The following LRRC53 variants were observed in gnomAD, a reference collection of about 807,000 sequenced individuals.
The protein encoded by LRRC53 is leucine-rich repeat-containing protein 53.
LRRC53 carries 25 observed loss-of-function variants against 13.6 expected under a neutral mutation model. The ratio of observed to expected loss-of-function variants is 1.83; its 90% CI spans 1.34 to 2.56. The LOEUF (loss-of-function observed/expected upper bound fraction) is 2.56, where lower values mean the gene tolerates loss of function less well. Ranked by LOEUF, LRRC53 falls within the 30% of genes most tolerant of loss-of-function variation. The pLI, the probability that LRRC53 is intolerant of heterozygous loss-of-function variation, is 0.00. For synonymous variants in LRRC53, 204 were observed against 109.8 expected, an observed-to-expected ratio of 1.86 and a Z score of -5.37; for missense variants, 527 against 275.8, an observed-to-expected ratio of 1.91 and a Z score of -6.45.
chr1:74,520,430 T>C, the LRRC53 span, among the ~76,000 whole-genome samples: 1 of 152,034 alleles, frequency 6.6e-6, no homozygotes. Context: ...TGGATTCTCC[T>C]CTCTTCTCCT....
At chr1:74,502,180 G>T (rs72675339) in intron 1 of LRRC53, among the ~76,000 whole-genome samples, 69 of 152,154 alleles carry the variant, frequency 4.5e-4, no homozygotes, top group South Asian at 2.1e-3. Context: ...TTAGAAAATC[G>T]TTTTCTTTTA....
chr1:74,531,851 G>A, the LRRC53 span, among the ~76,000 whole-genome samples: 2 of 152,162 alleles, frequency 1.3e-5, no homozygotes, highest in Non-Finnish European at 2.9e-5. Context: ...TATCACATAG[G>A]TAACATTGTT....
intron 2 of LRRC53, among the ~76,000 whole-genome samples, chr1:74,482,823 T>G (rs1044271097): frequency 6.6e-6 from 1 of 152,216 alleles, no homozygotes; most frequent in Non-Finnish European, 1.5e-5. Context: ...GACCAGACTT[T>G]CAAAATGAGA....
chr1:74,489,239 C>G, intron 1 of LRRC53: 1 of 1,611,332 alleles, frequency 6.2e-7, no homozygotes, highest in Non-Finnish European at 8.5e-7. Context: ...AGTGTCTCTG[C>G]AACATTGAGG....
chr1:74,484,776 C>T (rs1354681226), intron 1 of LRRC53, among the ~76,000 whole-genome samples: 3 of 151,984 alleles, frequency 2.0e-5, no homozygotes, highest in Non-Finnish European at 2.9e-5. Flanking sequence ...AAAGACATAG[C>T]GTTTTAACCC....
chr1:74,517,160 C>A (rs1055096819), upstream of LRRC53, among the ~76,000 whole-genome samples: 1 of 152,036 alleles, frequency 6.6e-6, no homozygotes, highest in Non-Finnish European at 1.5e-5. Flanking sequence ...TGGGCACTTT[C>A]TATATGCAAC....
rs547827553 is a variant in LRRC53, at chr1:74,472,015, T to A, written c.1607A>T (p.Glu536Val). The A allele has an allele frequency of 3.2e-5, 22 of 692,760 alleles. No homozygotes were observed. The highest frequency in any genetic ancestry group is 5.1e-5 in the Non-Finnish European group (19 of 375,008). 42.9% of individuals were successfully genotyped at this position (692,760 alleles called of 1,614,324 possible). A position where few individuals can be genotyped will look rare whatever the true frequency, so the allele number is the denominator to read the frequency against. ...TSSSSKPCEP[E>V]EHYVQKIVQK... is the part of the protein sequence containing the mutation. Reference sequence around the variant, plus strand: ...TACGATCTTTTGTACATAGTGTTCCTCAGGCTCACAAGGCTTGGATGATGA... The same window carrying A: ...TACGATCTTTTGTACATAGTGTTCCACAGGCTCACAAGGCTTGGATGATGA... Residue 536 changes from glutamate (E) to valine (V), a missense_variant, in exon 5 of 5, where the codon GAG becomes GTG. Coordinates refer to ENST00000294635, the MANE Select transcript of LRRC53 (RefSeq NM_001382280.1).
intron 3 of LRRC53, among the ~76,000 whole-genome samples, chr1:74,476,438 C>A (rs1463960779): frequency 3.3e-5 from 5 of 152,060 alleles, no homozygotes; most frequent in Non-Finnish European, 7.4e-5. Flanking sequence ...TCTGTTTATT[C>A]ATTCATATGC....
intron 1 of LRRC53, among the ~76,000 whole-genome samples, chr1:74,504,414 C>A (rs926471661): frequency 1.3e-5 from 2 of 152,202 alleles, no homozygotes; most frequent in East Asian, 3.9e-4. Flanking sequence ...GACTTCACGC[C>A]GAACAAAGGT....
At chr1:74,485,523 T>C (rs1320127932) in intron 1 of LRRC53, among the ~76,000 whole-genome samples, 3 of 152,174 alleles carry the variant, frequency 2.0e-5, no homozygotes, top group Admixed American at 6.5e-5. Context: ...GCAAGATTCC[T>C]GTCCCCTGGT....
intron 2 of LRRC53, among the ~76,000 whole-genome samples, chr1:74,481,864 A>G (rs776914674): frequency 6.6e-6 from 1 of 152,214 alleles, no homozygotes; most frequent in African/African-American, 2.4e-5. Context: ...TGGGAGGTCT[A>G]TAGGTGATAT....
At chr1:74,522,386 C>T in the LRRC53 span, among the ~76,000 whole-genome samples, 90 of 152,170 alleles carry the variant, frequency 5.9e-4, no homozygotes, top group African/African-American at 1.8e-3. Flanking sequence ...TCAGATTACC[C>T]GTTCCCTAGA....
At chr1:74,520,160 C>A in the LRRC53 span, among the ~76,000 whole-genome samples, 1 of 17,166 alleles carries the variant, frequency 5.8e-5, no homozygotes, top group Non-Finnish European at 2.1e-4. Flanking sequence ...CCCTTTCCAC[C>A]CTTTCCCCGA....
At chr1:74,489,241 A>G (rs548949464) in intron 1 of LRRC53, 1 of 1,611,522 alleles carries the variant, frequency 6.2e-7, no homozygotes, top group East Asian at 2.2e-5. Context: ...TGTCTCTGCA[A>G]CATTGAGGTA....
Position 74,469,860 on chromosome 1 carries a change from T to C in LRRC53, c.*18A>G, listed in dbSNP as rs769243611. Reference sequence around the variant, plus strand: ...GCTAAAGTAGAAAAGGATTATTATTTGAGTTATTTTGTTCACTTTATTCTG... The same window carrying C: ...GCTAAAGTAGAAAAGGATTATTATTCGAGTTATTTTGTTCACTTTATTCTG... On this transcript the variant is annotated 3_prime_UTR_variant, in exon 5 of 5. Transcript: ENST00000294635. 5.0e-6 allele frequency: 2 copies of C among 400,524 alleles called. No individual in the cohort carries two copies. The highest frequency in any genetic ancestry group is 8.8e-6 in the Non-Finnish European group (2 of 225,992). 24.8% of individuals were successfully genotyped at this position (400,524 alleles called of 1,614,324 possible).
At chr1:74,512,205 G>A (rs1188486284) in intron 1 of LRRC53, among the ~76,000 whole-genome samples, 1 of 152,178 alleles carries the variant, frequency 6.6e-6, no homozygotes, top group East Asian at 1.9e-4. Flanking sequence ...CTGCAGCTGT[G>A]TTTACTGTCA....
chr1:74,484,948 A>T (rs182244443), intron 1 of LRRC53, among the ~76,000 whole-genome samples: 19 of 152,286 alleles, frequency 1.2e-4, no homozygotes, highest in African/African-American at 4.6e-4. Flanking sequence ...CAAGGAAGGG[A>T]TGATGTGGTG....
At chr1:74,504,275 A>G (rs536760609) in intron 1 of LRRC53, among the ~76,000 whole-genome samples, 38 of 152,318 alleles carry the variant, frequency 2.5e-4, no homozygotes, top group Admixed American at 5.9e-4. Context: ...GATGTGGACT[A>G]AAGTAACCAT....
intron 1 of LRRC53, among the ~76,000 whole-genome samples, chr1:74,500,773 C>A (rs1301887787): frequency 6.6e-6 from 1 of 151,512 alleles, no homozygotes; most frequent in Non-Finnish European, 1.5e-5. Flanking sequence ...TTTTTCCCTG[C>A]ACCTTCAGGG....
Sources: allele counts gnomAD v4.1 joint callset (sites outside exome capture counted in the v4.1 genomes callset), GRCh38; gene constraint gnomAD v4.1.1; transcripts MANE v1.5; gene names NCBI Gene and HGNC (gene_info 2026-07-23, HGNC 2026-07-21).